Variants in DHX29 observed in about 807,000 individuals in gnomAD.
DHX29 encodes the protein DExH-box helicase 29, also known as ATP-dependent RNA helicase DHX29.
In DHX29, 79 loss-of-function variants were observed where a neutral mutation model predicts 167.9. The observed-to-expected ratio is 0.47, with a 90% CI of 0.39 to 0.57. The LOEUF (loss-of-function observed/expected upper bound fraction) is 0.57. Among genes scored for constraint, DHX29 ranks in the 20% least tolerant of loss-of-function variants. DHX29 has a pLI of 0.00. For missense variants in DHX29, 1,347 were observed against 1,593.4 expected (o/e 0.85, Z 2.63); for synonymous variants, 530 against 546.0 (o/e 0.97, Z 0.41).
intron 1 of DHX29, among the ~76,000 whole-genome samples, chr5:55,301,212 C>G (rs1326771930): frequency 1.3e-5 from 2 of 152,298 alleles, no homozygotes; most frequent in South Asian, 2.1e-4. Context: ...TTCGTAACAT[C>G]TAGCTTCTGC....
At position 55,274,614 on chromosome 5, in the gene DHX29, C is replaced by T. The variant is rs1049487959; in HGVS notation, c.2690G>A (p.Arg897Gln). The change falls in exon 16 of 27, where the codon CGA (arginine) becomes CAA (glutamine). Residue 897 changes from arginine to glutamine, a missense_variant and splice_region_variant. Transcript: ENST00000251636. ...GAATATAATGAAGATGAGTAGTTACCGTTCAGAATAAAATCTTCTATCATT... is the reference window on the plus strand; with the variant it reads ...GAATATAATGAAGATGAGTAGTTACTGTTCAGAATAAAATCTTCTATCATT... ...LSNDRRFYSERYKVIALHSIL... is the reference protein window; with the variant it reads ...LSNDRRFYSEQYKVIALHSIL... 2.6e-6 allele frequency: 4 copies of T among 1,568,332 alleles called. No homozygotes were observed. The highest frequency in any genetic ancestry group is 1.9e-5 in the Admixed American group (1 of 51,572).
intron 16 of DHX29, among the ~76,000 whole-genome samples, chr5:55,273,897 GTCAACATGGTAAAACCCCA>G (rs1746970473): frequency 6.6e-6 from 1 of 152,000 alleles, no homozygotes; most frequent in Non-Finnish European, 1.5e-5. Context: ...GACCGGCCTG[GTCAACATGGTAAAACCCCA>G]TCTCTACTAA....
intron 5 of DHX29, among the ~76,000 whole-genome samples, chr5:55,294,440 C>T (rs1016009151): frequency 2.6e-5 from 4 of 152,166 alleles, no homozygotes; most frequent in African/African-American, 9.7e-5. Flanking sequence ...TTCGGGAGGC[C>T]AAAGCGGGCG....
At chr5:55,281,684 T>G (rs1747422456) in intron 11 of DHX29, among the ~76,000 whole-genome samples, 169 bp from the exon 12 acceptor site, 1 of 152,110 alleles carries the variant, frequency 6.6e-6, no homozygotes, top group Admixed American at 6.5e-5. Flanking sequence ...TATTAGCAAA[T>G]CTATTTAGTG....
rs748315559 is a variant in DHX29 at position 55,267,245 on chromosome 5, A to G, written c.3432-14T>C. On this transcript the variant is annotated splice_polypyrimidine_tract_variant and intron_variant, in intron 22 of 26. Coordinates refer to ENST00000251636, the MANE Select transcript of DHX29 (RefSeq NM_019030.4). ...GCTTTCTTCCATCTAGATAAATAAA[A>G]TGTCAATTAATGAATAAAGTTCACC... 22 of 1,574,240 alleles carry G rather than the reference A, an allele frequency of 1.4e-5. No individual in the cohort carries two copies. The highest frequency in any genetic ancestry group is 4.5e-5 in the East Asian group (2 of 44,460).
rs112721063 is a variant in DHX29, at chr5:55,274,585, C to T, written c.2690+29G>A. 51 of 1,469,806 alleles carry T rather than the reference C, an allele frequency of 3.5e-5. No homozygotes were observed. The African/African-American group carries it at 4.4e-4, about 13-fold the overall frequency. 91.0% of individuals were successfully genotyped at this position (1,469,806 alleles called of 1,614,324 possible). On this transcript the variant is annotated intron_variant, in intron 16 of 26. Coordinates refer to ENST00000251636, the MANE Select transcript of DHX29 (RefSeq NM_019030.4). ...CAAATATTTTCCTATTTTAAAACTA[C>T]CAGGAATATAATGAAGATGAGTAGT...
intron 6 of DHX29, among the ~76,000 whole-genome samples, chr5:55,292,698 A>T (rs1221571343): frequency 6.6e-6 from 1 of 151,916 alleles, no homozygotes; most frequent in Non-Finnish European, 1.5e-5. Context: ...TATACATCTT[A>T]TCTCTATATA....
Position 55,274,855 on chromosome 5 carries a change from T to C in DHX29, c.2572+11A>G, listed in dbSNP as rs146499989. On this transcript the variant is annotated intron_variant, in intron 15 of 26. Transcript: ENST00000251636. ...AAATCAAATGGAGACCCATTAGAAA[T>C]AGAAATATACCTAAGTATGCAAGAA... 2.1e-3 allele frequency: 3,449 copies of C among 1,608,184 alleles called. 4 individuals carry two copies. Among genetic ancestry groups the C allele is most frequent in the Non-Finnish European group, 2.5e-3 (2,942 of 1,178,068 alleles).
At chr5:55,294,456 C>T (rs764430912) in intron 5 of DHX29, among the ~76,000 whole-genome samples, 3 of 152,198 alleles carry the variant, frequency 2.0e-5, no homozygotes, top group Admixed American at 6.5e-5. Context: ...GGGCGGATCA[C>T]AAGGTCAGGA....
Position 55,256,526 on chromosome 5 carries a change from G to A in DHX29, c.4072C>T (p.Gln1358Ter). 6.3e-7 allele frequency: 1 copy of A among 1,590,848 alleles called. No homozygotes were observed. The highest frequency in any genetic ancestry group is 8.5e-7 in the Non-Finnish European group (1 of 1,172,826). Residue 1358 changes from glutamine (Q) to a stop codon, truncating the protein, a stop_gained, in exon 27 of 27, where the codon CAG (glutamine) becomes TAG (stop). Coordinates refer to ENST00000251636, the MANE Select transcript of DHX29 (RefSeq NM_019030.4). LOFTEE classifies it high-confidence loss of function. ...KMSLENDKIL[Q>*]IITELIKTEN... ...GTTTTTATCAATTCCGTAATGATCT[G>A]CAGAATCTTGTCATCTGAGTGGAAG...
At chr5:55,285,903 G>C (rs552834203) in intron 8 of DHX29, 42 bp from the exon 9 acceptor site, 2 of 1,450,390 alleles carry the variant, frequency 1.4e-6, no homozygotes, top group South Asian at 1.4e-5. Context: ...AAATGGTCAA[G>C]CATTCTCTTT....
intron 23 of DHX29, among the ~76,000 whole-genome samples, chr5:55,265,390 C>G (rs1348506965): frequency 6.8e-6 from 1 of 146,246 alleles, no homozygotes. Context: ...AAAAAAAAAA[C>G]AAAGATGAAC....
intron 24 of DHX29, 40 bp downstream of exon 24, chr5:55,262,590 T>A: frequency 3.1e-6 from 5 of 1,595,560 alleles, no homozygotes; most frequent in Non-Finnish European, 4.3e-6. Context: ...ACTTGCAGAA[T>A]AATGCTCTGA....
intron 12 of DHX29, chr5:55,279,732 G>GTTTTTTT (rs201827152): frequency 6.7e-6 from 1 of 149,388 alleles, no homozygotes; most frequent in Non-Finnish European, 1.4e-5. Flanking sequence ...TTGTTTTGCT[G>GTTTTTTT]TTTTTGTTTT....
chr5:55,286,116 T>A (rs1414788448), intron 8 of DHX29, among the ~76,000 whole-genome samples: 1 of 151,888 alleles, frequency 6.6e-6, no homozygotes, highest in African/African-American at 2.4e-5. Context: ...TTATTCGGCG[T>A]GGTGGCGGGC....
chr5:55,258,790 C>T (rs773536539), intron 26 of DHX29, among the ~76,000 whole-genome samples: 7 of 152,072 alleles, frequency 4.6e-5, no homozygotes, highest in Non-Finnish European at 8.8e-5. Context: ...TGGCCTCAAG[C>T]GATCCTCCTG....
At chr5:55,261,300 A>G (rs1746301736) in intron 25 of DHX29, 68 bp downstream of exon 25, 1 of 773,838 alleles carries the variant, frequency 1.3e-6, no homozygotes, top group Admixed American at 2.8e-5. Context: ...AAAATTTAAA[A>G]AATGTACCTC....
At chr5:55,275,956 C>T (rs897034591) in intron 14 of DHX29, among the ~76,000 whole-genome samples, 1 of 152,100 alleles carries the variant, frequency 6.6e-6, no homozygotes, top group Admixed American at 6.6e-5. Context: ...TACTAATGTA[C>T]TCCTCAATAA....
intron 1 of DHX29, among the ~76,000 whole-genome samples, chr5:55,300,888 T>C (rs1171845481): frequency 1.3e-5 from 2 of 152,184 alleles, no homozygotes; most frequent in Non-Finnish European, 2.9e-5. Context: ...TTATTTCTCA[T>C]AGTTCTGGAG....
Sources: allele counts gnomAD v4.1 joint callset (sites outside exome capture counted in the v4.1 genomes callset), GRCh38; gene constraint gnomAD v4.1.1; transcripts MANE v1.5; gene names NCBI Gene and HGNC (gene_info 2026-07-23, HGNC 2026-07-21).